Variants in EN1 observed in about 807,000 individuals in gnomAD.
EN1 encodes the protein engrailed homeobox 1, also known as homeobox protein engrailed-1.
EN1 carries 8 observed loss-of-function variants against 22.9 expected under a neutral mutation model. That is an observed-to-expected ratio of 0.35 (90% CI 0.20 to 0.63). EN1 has a LOEUF of 0.63. EN1 is among the 20% of genes least tolerant of loss of function. EN1 has a pLI of 0.73. For missense variants in EN1, 521 were observed against 572.1 expected (o/e 0.91, Z 0.91); for synonymous variants, 287 against 262.5 (o/e 1.09, Z -0.90).
Position 118,843,274 on chromosome 2 carries a change from C to CGGGGT in EN1, c.863-25_863-21dup. 1.6e-5 allele frequency: 1 copy of CGGGGT among 61,664 alleles called. No homozygotes were observed. Among genetic ancestry groups the CGGGGT allele is most frequent in the East Asian group, 3.9e-4 (1 of 2,588 alleles). 3.8% of individuals were successfully genotyped at this position (61,664 alleles called of 1,614,324 possible). A position where few individuals can be genotyped will look rare whatever the true frequency, so the allele number is the denominator to read the frequency against. ...GCGGACCTGCAGCGGCGGAGAGGGCCGGGGTGGGGTGGGGGTGGGGACCGA... is the reference window on the plus strand; with the variant it reads ...GCGGACCTGCAGCGGCGGAGAGGGCCGGGGTGGGGTGGGGTGGGGGTGGGGACCGA... On this transcript the variant is annotated intron_variant, in intron 1 of 1. Coordinates refer to ENST00000295206, the MANE Select transcript of EN1 (RefSeq NM_001426.4).
In EN1 at chr2:118,846,158, C is replaced by G. The variant is rs954993041; in HGVS notation, c.862+148G>C. ...AGGATCGCATAGCTGGATGAACATT[C>G]GGTTGTGACTGGAACTGGGGTGAGG... is the stretch of plus-strand genomic sequence containing the variant. On this transcript the variant is annotated intron_variant, in intron 1 of 1. Coordinates refer to ENST00000295206, the MANE Select transcript of EN1 (RefSeq NM_001426.4). The surrounding 1 kb of genome is among the most constrained non-coding windows in gnomAD (Gnocchi z 5.0). The G allele has an allele frequency of 7.2e-6, 9 of 1,257,378 alleles. No homozygotes were observed. The highest frequency in any genetic ancestry group is 8.6e-6 in the Non-Finnish European group (8 of 927,986). 77.9% of individuals were successfully genotyped at this position (1,257,378 alleles called of 1,614,324 possible).
Position 118,846,192 on chromosome 2 carries a change from G to A in EN1, c.862+114C>T. 1 of 1,461,718 alleles carries A rather than the reference G, an allele frequency of 6.8e-7. No individual in the cohort carries two copies. Among genetic ancestry groups the A allele is most frequent in the Non-Finnish European group, 9.2e-7 (1 of 1,091,496 alleles). 90.5% of individuals were successfully genotyped at this position (1,461,718 alleles called of 1,614,324 possible). A position where few individuals can be genotyped will look rare whatever the true frequency, so the allele number is the denominator to read the frequency against. ...CTGGAACTGGGGTGAGGAAGCAGGC[G>A]TGAGAGACTGGAGTACCCGAGGCCG... is the stretch of plus-strand genomic sequence containing the variant. On this transcript the variant is annotated intron_variant, in intron 1 of 1. Transcript: ENST00000295206. The surrounding 1 kb of genome is among the most constrained non-coding windows in gnomAD (Gnocchi z 5.0).
At chr2:118,843,390 G>C in intron 1 of EN1, 136 bp from the exon 2 acceptor site, 1 of 787,994 alleles carries the variant, frequency 1.3e-6, no homozygotes, top group South Asian at 1.8e-5. Context: ...GGGCGATCTC[G>C]GAGGCCCTGC....
Position 118,842,899 on chromosome 2 carries a change from G to C in EN1, c.*39C>G. ...GGGGCCGGGAGACGACGGCGGCGGT[G>C]CCGGGAGGGGGCGCGGGCGCGGCCC... On this transcript the variant is annotated 3_prime_UTR_variant, in exon 2 of 2. Coordinates refer to ENST00000295206, the MANE Select transcript of EN1 (RefSeq NM_001426.4). The C allele has an allele frequency of 6.3e-7, 1 of 1,576,170 alleles. No individual in the cohort carries two copies. The highest frequency in any genetic ancestry group is 1.1e-5 in the South Asian group (1 of 87,042).
At position 118,842,902 on chromosome 2, in the gene EN1, G is replaced by C. The variant is rs754857274; in HGVS notation, c.*36C>G. 4 of 1,579,242 alleles carry C rather than the reference G, an allele frequency of 2.5e-6. No homozygotes were observed. The East Asian group carries it at 9.1e-5, about 36-fold the overall frequency. ...GCCGGGAGACGACGGCGGCGGTGCC[G>C]GGAGGGGGCGCGGGCGCGGCCCCGG... On this transcript the variant is annotated 3_prime_UTR_variant, in exon 2 of 2. Transcript: ENST00000295206.
At chr2:118,844,826 C>T (rs115838847) in intron 1 of EN1, among the ~76,000 whole-genome samples, 2 of 152,230 alleles carry the variant, frequency 1.3e-5, no homozygotes, top group East Asian at 3.9e-4. Context: ...TGGTCCCCTA[C>T]CTACCCAGGC....
At chr2:118,844,307 T>C (rs904572442) in intron 1 of EN1, 1 of 147,078 alleles carries the variant, frequency 6.8e-6, no homozygotes, top group African/African-American at 2.6e-5. Context: ...GCAGGGACAA[T>C]CCAGAAAAAA....
chr2:118,844,713 G>C (rs1349939814), intron 1 of EN1, among the ~76,000 whole-genome samples: 1 of 152,234 alleles, frequency 6.6e-6, no homozygotes, highest in Non-Finnish European at 1.5e-5. Context: ...GGGGTAACCA[G>C]CTGTCCTATG....
chr2:118,842,949 C>T lies in EN1; in HGVS notation c.1168G>A (p.Glu390Lys), dbSNP rs200716631. Residue 390 changes from glutamate (E) to lysine (K), a missense_variant, in exon 2 of 2, where the codon GAG (glutamate) becomes AAG (lysine). By Grantham distance (56) the Glu-to-Lys change is moderately conservative. Transcript: ENST00000295206. ...HSTTTVQDKD[E>K]SE ...CCGGCCTGTGGCGGCTACTCGCTCT[C>T]GTCTTTGTCCTGGACCGTGGTGGTG... is the stretch of plus-strand genomic sequence containing the variant. 5.3e-5 allele frequency: 85 copies of T among 1,601,728 alleles called. No homozygotes were observed. Among genetic ancestry groups the T allele is most frequent in the Admixed American group, 1.7e-5 (1 of 59,762 alleles).
rs767724585 is a variant in EN1 at position 118,846,493 on chromosome 2, G to A, written c.675C>T (p.Gly225=). 6 of 1,574,406 alleles carry A rather than the reference G, an allele frequency of 3.8e-6. No individual in the cohort carries two copies. The highest frequency in any genetic ancestry group is 4.8e-5 in the East Asian group (2 of 41,482). ...AAAAKPSDTG[G]GGSGGGAGSP... Reference sequence around the variant, plus strand: ...TCCCCGCGCCGCCTCCACTGCCGCCGCCACCGGTGTCCGAGGGCTTGGCTG... The same window carrying A: ...TCCCCGCGCCGCCTCCACTGCCGCCACCACCGGTGTCCGAGGGCTTGGCTG... The change falls in exon 1 of 2, where the codon GGC becomes GGT. Residue 225 remains glycine (G), a synonymous_variant. Transcript: ENST00000295206. The surrounding 1 kb of genome is among the most constrained non-coding windows in gnomAD (Gnocchi z 5.0).
chr2:118,843,378 C>T (rs1487690733), intron 1 of EN1, 124 bp from the exon 2 acceptor site: 2 of 866,244 alleles, frequency 2.3e-6, no homozygotes, highest in Non-Finnish European at 3.5e-6. Flanking sequence ...CCCGCGCTTC[C>T]GGGGCGATCT....
At chr2:118,845,177 G>A (rs1678248952) in intron 1 of EN1, among the ~76,000 whole-genome samples, 1 of 152,254 alleles carries the variant, frequency 6.6e-6, no homozygotes. Flanking sequence ...GAGATGGCGG[G>A]AGCTGATAGT....
intron 1 of EN1, among the ~76,000 whole-genome samples, chr2:118,845,421 AG>A (rs1678254481): frequency 6.6e-6 from 1 of 152,116 alleles, no homozygotes. Flanking sequence ...GCCAAGCGCG[AG>A]GGGCACACGG....
intron 1 of EN1, chr2:118,843,999 T>C (rs1207501520): frequency 6.6e-6 from 1 of 151,786 alleles, no homozygotes; most frequent in Non-Finnish European, 1.5e-5. Context: ...ACCCCTTCTC[T>C]GAAGGAGAAA....
intron 1 of EN1, among the ~76,000 whole-genome samples, chr2:118,843,506 G>A (rs1678224339): frequency 1.3e-5 from 2 of 152,316 alleles, no homozygotes; most frequent in African/African-American, 4.8e-5. Context: ...AGCAGTGAAG[G>A]AAAGCTGGTT....
chr2:118,842,804 C>CAGAA lies in EN1; in HGVS notation c.*133_*134insTTCT, dbSNP rs1394355775. The CAGAA allele has an allele frequency of 7.2e-7, 1 of 1,390,262 alleles. No individual in the cohort carries two copies. Among genetic ancestry groups the CAGAA allele is most frequent in the African/African-American group, 1.5e-5 (1 of 68,746 alleles). 86.1% of individuals were successfully genotyped at this position (1,390,262 alleles called of 1,614,324 possible). On this transcript the variant is annotated 3_prime_UTR_variant, in exon 2 of 2. Transcript: ENST00000295206. Reference sequence around the variant, plus strand: ...ACGTCATTGTCCATTCTGAGGCTCTCTTTCTGTCTCTCTCGCTCTTTTCCC... The same window carrying CAGAA: ...ACGTCATTGTCCATTCTGAGGCTCTCAGAATTTCTGTCTCTCTCGCTCTTTTCCC...
Position 118,846,243 on chromosome 2 carries a change from T to C in EN1, c.862+63A>G. On this transcript the variant is annotated intron_variant, in intron 1 of 1. Transcript: ENST00000295206. This position sits in a 1 kb window ranked among gnomAD's most constrained non-coding sequence, Gnocchi z 5.0. ...GGTTTGCTCTCCCTAGCGCCGCAGCTTGGCGTTCTGGGGCGGTCCGCGGGG... is the reference window on the plus strand; with the variant it reads ...GGTTTGCTCTCCCTAGCGCCGCAGCCTGGCGTTCTGGGGCGGTCCGCGGGG... The C allele has an allele frequency of 6.4e-7, 1 of 1,566,458 alleles. No homozygotes were observed.
intron 1 of EN1, 60 bp from the exon 2 acceptor site, chr2:118,843,314 G>C (rs538621981): frequency 8.5e-7 from 1 of 1,181,356 alleles, no homozygotes. Context: ...AGAAGGGAGG[G>C]GGGAGAGGGC....
chr2:118,847,049 C>A lies in EN1; in HGVS notation c.119G>T (p.Gly40Val). The A allele has an allele frequency of 7.1e-7, 1 of 1,414,262 alleles. No individual in the cohort carries two copies. The highest frequency in any genetic ancestry group is 9.2e-7 in the Non-Finnish European group (1 of 1,086,412). 87.6% of individuals were successfully genotyped at this position (1,414,262 alleles called of 1,614,324 possible). The stretch of plus-strand genomic sequence containing the variant: ...CACGCTGTCTCCATCGCTGCCGCTG[C>A]CGCTGCTGCCGCTGGCGCCCGGACT... ...SLSPGASGSS[G>V]SGSDGDSVPV... The change falls in exon 1 of 2, where the codon GGC becomes GTC. Residue 40 changes from glycine (G) to valine (V), a missense_variant. By Grantham distance (109) the Gly-to-Val change is moderately radical (BLOSUM62 -3). Around this residue, in one of 3 missense-constraint regions of EN1, gnomAD observed 436 missense variants for 410.1 expected, o/e 1.06. Coordinates refer to ENST00000295206, the MANE Select transcript of EN1 (RefSeq NM_001426.4).
Sources: gnomAD v4.1 joint callset for allele counts (sites outside exome capture counted in the v4.1 genomes callset) on GRCh38, gnomAD v4.1.1 for gene constraint, gnomAD v4.1.1 regional missense constraint, Gnocchi (gnomAD v3.1) non-coding constraint, MANE v1.5 for transcripts, NCBI Gene and HGNC (gene_info 2026-07-23, HGNC 2026-07-21) for gene names.